The following DAP3 variants were observed in gnomAD, a reference collection of about 807,000 sequenced individuals.
DAP3 encodes the protein death associated protein 3.
DAP3 carries 28 observed loss-of-function variants against 51.9 expected under a neutral mutation model. The observed-to-expected ratio is 0.54, with a 90% confidence interval of 0.40 to 0.74. The LOEUF is 0.74. Among genes scored for constraint, DAP3 ranks in the 30% least tolerant of loss-of-function variants. The pLI is 0.00. For synonymous variants in DAP3, 170 were observed against 170.3 expected, an observed-to-expected ratio of 1.00 and a Z score of 0.01; for missense variants, 458 against 483.5, an observed-to-expected ratio of 0.95 and a Z score of 0.49.
intron 11 of DAP3, among the ~76,000 whole-genome samples, chr1:155,733,875 C>T (rs1659495021): frequency 6.6e-6 from 1 of 151,956 alleles, no homozygotes; most frequent in African/African-American, 2.4e-5. Flanking sequence ...CCTTCATGGC[C>T]AGGCTTGGTA....
In DAP3 at chr1:155,729,057, A is replaced by G. The variant is rs752381978; in HGVS notation, c.619A>G (p.Lys207Glu). 9 of 1,613,624 alleles carry G rather than the reference A, an allele frequency of 5.6e-6. No homozygotes were observed. The South Asian group carries it at 7.7e-5, about 14-fold the overall frequency. Residue 207 changes from lysine to glutamate, a missense_variant, in exon 8 of 13, where the codon AAG (lysine) becomes GAG (glutamate). Lys to Glu is a moderately conservative substitution (Grantham distance 56). Transcript: ENST00000368336. ...RFLNQIKVQE[K>E]YVWNKRESTE... ...TTGCTTTTAGATAAAAGTTCAAGAG[A>G]AGTATGTCTGGAATAAGAGAGAAAG...
At chr1:155,727,760 G>A (rs375708564) in intron 7 of DAP3, 22 bp downstream of exon 7, 1 of 1,612,924 alleles carries the variant, frequency 6.2e-7, no homozygotes, top group South Asian at 1.1e-5. Flanking sequence ...CCCAGAAGTT[G>A]AGTGCTAGGT....
At chr1:155,726,084 G>A in intron 6 of DAP3, 65 bp downstream of exon 6, 1 of 1,302,078 alleles carries the variant, frequency 7.7e-7, no homozygotes, top group Non-Finnish European at 1.1e-6. Flanking sequence ...TGGTAGCCTT[G>A]CAGCTTTAAT....
At chr1:155,700,518 G>A (rs1288859511) in intron 1 of DAP3, among the ~76,000 whole-genome samples, 3 of 151,662 alleles carry the variant, frequency 2.0e-5, no homozygotes, top group Non-Finnish European at 4.4e-5. Flanking sequence ...GGGAGGTGGG[G>A]GGGGCGGTCA....
chr1:155,704,749 G>A (rs554399087), intron 1 of DAP3, among the ~76,000 whole-genome samples: 3 of 152,302 alleles, frequency 2.0e-5, no homozygotes, highest in African/African-American at 4.8e-5. Flanking sequence ...GGGGGCTGAG[G>A]CGGGAGGATC....
intron 1 of DAP3, among the ~76,000 whole-genome samples, chr1:155,694,431 G>T (rs1456821775): frequency 7.1e-6 from 1 of 141,656 alleles, no homozygotes; most frequent in Non-Finnish European, 1.5e-5. Flanking sequence ...GCCACAGGGA[G>T]ACTTACCACC....
intron 6 of DAP3, 94 bp downstream of exon 6, chr1:155,726,113 CTTTTTTTTTT>C (rs377658512): frequency 1.6e-6 from 1 of 621,498 alleles, no homozygotes; most frequent in Admixed American, 4.2e-5. Context: ...CTTTTCTTTT[CTTTTTTTTTT>C]TTTTTTTGAG....
rs1658525608 is a variant in DAP3, at chr1:155,725,916, A to G, written c.380-11A>G. On this transcript the variant is annotated splice_polypyrimidine_tract_variant and intron_variant, in intron 5 of 12. Transcript: ENST00000368336. ...TTCCAGTCATGTTTTCTTTAACAAC[A>G]TATACTTTAGATGGAGAGAAGGGAA... 3 of 1,611,828 alleles carry G rather than the reference A, an allele frequency of 1.9e-6. No homozygotes were observed. Among genetic ancestry groups the G allele is most frequent in the Non-Finnish European group, 2.5e-6 (3 of 1,178,292 alleles).
At chr1:155,709,111 G>A (rs536382228) in intron 1 of DAP3, 5 of 151,934 alleles carry the variant, frequency 3.3e-5, no homozygotes, top group Non-Finnish European at 7.3e-5. Context: ...ACCTCCCAAA[G>A]TGCTGGGATT....
chr1:155,695,403 C>T (rs1265117877), intron 1 of DAP3, among the ~76,000 whole-genome samples: 1 of 152,150 alleles, frequency 6.6e-6, no homozygotes, highest in African/African-American at 2.4e-5. Flanking sequence ...ATGTCCTTGG[C>T]CTGTTTCCAC....
chr1:155,722,589 CT>C (rs1571528846), intron 4 of DAP3, among the ~76,000 whole-genome samples: 4 of 152,060 alleles, frequency 2.6e-5, no homozygotes, highest in Admixed American at 6.6e-5. Flanking sequence ...CTCGGGTCCC[CT>C]TCCACACTGT....
At chr1:155,688,320 GGCGGCGGCA>G (rs566869739), upstream of DAP3, 1,218 of 1,556,332 alleles carry the variant, frequency 7.8e-4, 2 homozygotes, top group East Asian at 7.7e-3. Flanking sequence ...AACCCAAAAT[GGCGGCGGCA>G]GCGGCGGCAG....
Position 155,721,517 on chromosome 1 carries a change from G to A in DAP3, c.169G>A (p.Ala57Thr). The change falls in exon 4 of 13, where the codon GCC becomes ACC. Residue 57 changes from alanine to threonine, a missense_variant and splice_region_variant. By Grantham distance (58) the Ala-to-Thr change is moderately conservative (BLOSUM62 0). Transcript: ENST00000368336. ...ACCTGTTTGCACTCTTATTTCCTAG[G>A]CCAAGCATGGGGATCAGCACGAGGG... ...AISRTNENDP[A>T]KHGDQHEGQH... 6.2e-7 allele frequency: 1 copy of A among 1,613,474 alleles called. No individual in the cohort carries two copies. Among genetic ancestry groups the A allele is most frequent in the Non-Finnish European group, 8.5e-7 (1 of 1,179,876 alleles).
intron 11 of DAP3, 171 bp downstream of exon 11, chr1:155,732,204 C>T (rs1199899035): frequency 2.1e-5 from 10 of 477,592 alleles, no homozygotes; most frequent in East Asian, 3.8e-5. Context: ...TTGCTTTATC[C>T]GTCTCCGTCT....
At chr1:155,733,708 G>A (rs1425000774) in intron 11 of DAP3, among the ~76,000 whole-genome samples, 4 of 152,098 alleles carry the variant, frequency 2.6e-5, no homozygotes, top group South Asian at 2.1e-4. Context: ...GTGGTGGTGC[G>A]TGCCTATAGT....
intron 2 of DAP3, among the ~76,000 whole-genome samples, chr1:155,716,466 G>A (rs1265107358): frequency 3.9e-5 from 6 of 151,948 alleles, no homozygotes; most frequent in Admixed American, 6.6e-5. Context: ...CCAGCTACTC[G>A]GGAGGCTGAG....
intron 1 of DAP3, among the ~76,000 whole-genome samples, chr1:155,703,738 C>T (rs912861458): frequency 6.6e-6 from 1 of 152,170 alleles, no homozygotes; most frequent in Non-Finnish European, 1.5e-5. Context: ...GGGGTTTCAC[C>T]GTGTTAGCCA....
chr1:155,690,739 A>G (rs1653682076), intron 1 of DAP3, among the ~76,000 whole-genome samples: 1 of 141,544 alleles, frequency 7.1e-6, no homozygotes, highest in Non-Finnish European at 1.5e-5. Flanking sequence ...GTAAATTTAC[A>G]CTTTTTTTTG....
At chr1:155,714,144 A>G (rs1021705658) in intron 2 of DAP3, among the ~76,000 whole-genome samples, 5 of 152,226 alleles carry the variant, frequency 3.3e-5, no homozygotes, top group African/African-American at 9.6e-5. Flanking sequence ...ATGAAATTAC[A>G]AAGGTAGGCT....
Sources: allele counts gnomAD v4.1 joint callset (sites outside exome capture counted in the v4.1 genomes callset), GRCh38; gene constraint gnomAD v4.1.1; transcripts MANE v1.5; gene names NCBI Gene and HGNC (gene_info 2026-07-23, HGNC 2026-07-21).